FCHSD2: variants seen among roughly 807,000 people sequenced by gnomAD.
FCHSD2 encodes F-BAR and double SH3 domains protein 2.
FCHSD2 carries 38 observed loss-of-function variants against 108.1 expected under a neutral mutation model. That is an observed-to-expected ratio of 0.35 (90% CI 0.27 to 0.46). The LOEUF is 0.46. FCHSD2 is among the 20% of genes least tolerant of loss of function. The pLI is 1.00. For missense variants in FCHSD2, 751 were observed against 897.8 expected (o/e 0.84, Z 2.09); for synonymous variants, 279 against 314.7 (o/e 0.89, Z 1.20).
chr11:72,961,943 G>A (rs1348165678), intron 8 of FCHSD2, among the ~76,000 whole-genome samples: 2 of 152,112 alleles, frequency 1.3e-5, no homozygotes, highest in African/African-American at 4.8e-5. Flanking sequence ...AAAAGAAGTT[G>A]TATTTGTTTC....
intron 8 of FCHSD2, chr11:72,940,633 G>C: frequency 6.9e-7 from 1 of 1,445,266 alleles, no homozygotes. Context: ...CACCCAGCCT[G>C]ATAAAGCGCG....
At chr11:73,010,670 T>C (rs192292988) in intron 4 of FCHSD2, among the ~76,000 whole-genome samples, 2 of 152,348 alleles carry the variant, frequency 1.3e-5, no homozygotes, top group East Asian at 3.9e-4. Flanking sequence ...CAGTGGTGTT[T>C]GTAATTTATT....
At chr11:72,969,406 T>A (rs1437083732) in intron 8 of FCHSD2, among the ~76,000 whole-genome samples, 1 of 152,212 alleles carries the variant, frequency 6.6e-6, no homozygotes, top group Admixed American at 6.5e-5. Flanking sequence ...TCAGTTAATT[T>A]TTTAGAGTAT....
intron 2 of FCHSD2, among the ~76,000 whole-genome samples, chr11:73,114,776 T>C (rs1170822947): frequency 2.0e-5 from 3 of 152,068 alleles, no homozygotes; most frequent in Non-Finnish European, 4.4e-5. Context: ...CCTCCAGTGG[T>C]TGAGCTGGTA....
At chr11:73,019,095 A>G (rs144947548) in intron 3 of FCHSD2, among the ~76,000 whole-genome samples, 373 of 152,304 alleles carry the variant, frequency 2.4e-3, no homozygotes, top group Admixed American at 4.1e-3. Flanking sequence ...TATTTTCTCA[A>G]ATCACATCTA....
At chr11:73,077,129 GAA>G (rs149998754) in intron 3 of FCHSD2, among the ~76,000 whole-genome samples, 3 of 133,054 alleles carry the variant, frequency 2.3e-5, no homozygotes, top group East Asian at 4.3e-4. Flanking sequence ...AGAAAAAAAA[GAA>G]AAAAAAAAGT....
In FCHSD2 at chr11:72,838,633, C is replaced by T. The variant is rs1367359577; in HGVS notation, c.*158G>A. The T allele has an allele frequency of 9.9e-6, 6 of 604,586 alleles. No individual in the cohort carries two copies. The highest frequency in any genetic ancestry group is 2.0e-5 in the South Asian group (1 of 48,900). The allele number at this position is 604,586 out of a possible 1,614,324, so 37.5% of individuals were successfully genotyped here. A position where few individuals can be genotyped will look rare whatever the true frequency, so the allele number is the denominator to read the frequency against. The stretch of plus-strand genomic sequence containing the variant: ...AAAAAAAGGCACGAAATATTCAAAA[C>T]GTGGGAGGAGTCTACCAGGCCACCC... On this transcript the variant is annotated 3_prime_UTR_variant, in exon 20 of 20. Coordinates refer to ENST00000409418, the MANE Select transcript of FCHSD2 (RefSeq NM_014824.3).
intron 8 of FCHSD2, among the ~76,000 whole-genome samples, chr11:72,983,026 G>A (rs1474338219): frequency 6.6e-6 from 1 of 152,062 alleles, no homozygotes; most frequent in African/African-American, 2.4e-5. Context: ...CGGGCGCGGT[G>A]GCTCATGCCT....
At chr11:72,962,758 TA>T (rs911164867) in intron 8 of FCHSD2, among the ~76,000 whole-genome samples, 1,497 of 145,092 alleles carry the variant, frequency 0.01, 15 homozygotes, top group African/African-American at 0.033. Context: ...CAGGTTAAAA[TA>T]AAAAAAAAAA....
At chr11:73,020,942 A>C (rs895458814) in intron 3 of FCHSD2, among the ~76,000 whole-genome samples, 6 of 152,118 alleles carry the variant, frequency 3.9e-5, no homozygotes, top group African/African-American at 7.2e-5. Context: ...TGGCATGATC[A>C]TAGCTCACTG....
intron 8 of FCHSD2, among the ~76,000 whole-genome samples, chr11:72,964,431 G>A (rs1856867553): frequency 6.6e-6 from 1 of 152,188 alleles, no homozygotes; most frequent in Non-Finnish European, 1.5e-5. Flanking sequence ...TTTACTCCCT[G>A]AGATGGGGTT....
chr11:72,954,276 C>T (rs546025217), intron 8 of FCHSD2, among the ~76,000 whole-genome samples: 43 of 138,594 alleles, frequency 3.1e-4, no homozygotes, highest in Non-Finnish European at 5.7e-4. Flanking sequence ...CACAGCATGG[C>T]GGCTCACTGC....
chr11:72,921,637 G>A (rs1019167233), intron 9 of FCHSD2, among the ~76,000 whole-genome samples, 191 bp downstream of exon 9: 3 of 152,098 alleles, frequency 2.0e-5, no homozygotes, highest in Non-Finnish European at 4.4e-5. Flanking sequence ...TTTTGCCCTT[G>A]GTGCCATCTT....
At chr11:72,926,846 A>G (rs1221799574) in intron 8 of FCHSD2, among the ~76,000 whole-genome samples, 2 of 152,210 alleles carry the variant, frequency 1.3e-5, no homozygotes, top group East Asian at 3.9e-4. Context: ...ATTTAGATGT[A>G]GAAGCATCTT....
intron 3 of FCHSD2, among the ~76,000 whole-genome samples, chr11:73,034,413 T>C (rs1006435575): frequency 5.3e-5 from 8 of 152,242 alleles, no homozygotes; most frequent in East Asian, 1.9e-4. Flanking sequence ...TTCCTCTTCC[T>C]GAAAGAAGCA....
chr11:73,106,875 T>C (rs192663545), intron 2 of FCHSD2, among the ~76,000 whole-genome samples: 1 of 152,268 alleles, frequency 6.6e-6, no homozygotes, highest in African/African-American at 2.4e-5. Context: ...ATGATGTTGA[T>C]ACAAGGATGA....
intron 8 of FCHSD2, among the ~76,000 whole-genome samples, chr11:72,927,793 T>C (rs1265251282): frequency 6.6e-6 from 1 of 152,198 alleles, no homozygotes; most frequent in Non-Finnish European, 1.5e-5. Context: ...CAGAGAAGCC[T>C]ACCATCCTGA....
At chr11:73,117,688 T>C (rs1210685077) in intron 2 of FCHSD2, among the ~76,000 whole-genome samples, 1 of 152,224 alleles carries the variant, frequency 6.6e-6, no homozygotes, top group African/African-American at 2.4e-5. Flanking sequence ...GCAAAATTTT[T>C]CAATCACATT....
chr11:72,940,692 T>C, intron 8 of FCHSD2: 1 of 1,102,854 alleles, frequency 9.1e-7, no homozygotes, highest in African/African-American at 1.5e-5. Context: ...ATAGGATTCA[T>C]GTTCACCGTG....
Sources: allele counts gnomAD v4.1 joint callset (sites outside exome capture counted in the v4.1 genomes callset), GRCh38; gene constraint gnomAD v4.1.1; transcripts MANE v1.5; gene names NCBI Gene and HGNC (gene_info 2026-07-23, HGNC 2026-07-21).